Variants in PARD3B observed in about 807,000 individuals in gnomAD.
PARD3B encodes par-3 family cell polarity regulator beta.
PARD3B carries 103 observed loss-of-function variants against 130.2 expected under a neutral mutation model. The observed-to-expected ratio is 0.79, with a 90% CI of 0.67 to 0.93. PARD3B has a LOEUF of 0.93. Ranked by LOEUF, PARD3B falls within the 40% of genes least tolerant of loss-of-function variation. The pLI is 0.00. For synonymous variants in PARD3B, 583 were observed against 553.2 expected, an observed-to-expected ratio of 1.05 and a Z score of -0.76; for missense variants, 1,609 against 1,499.2, an observed-to-expected ratio of 1.07 and a Z score of -1.21.
intron 4 of PARD3B, among the ~76,000 whole-genome samples, chr2:205,064,012 A>G (rs772340069): frequency 3.3e-5 from 5 of 152,114 alleles, no homozygotes; most frequent in Non-Finnish European, 4.4e-5. Context: ...TGAGGTAAAA[A>G]CTGTTCTGCT....
intron 20 of PARD3B, among the ~76,000 whole-genome samples, chr2:205,477,360 C>A (rs150415080): frequency 6.6e-6 from 1 of 152,234 alleles, no homozygotes; most frequent in Non-Finnish European, 1.5e-5. Context: ...TTTATAGACT[C>A]TCTCCCTTTG....
chr2:204,743,858 A>T (rs1238450104), intron 2 of PARD3B, among the ~76,000 whole-genome samples: 3 of 152,116 alleles, frequency 2.0e-5, no homozygotes, highest in Non-Finnish European at 4.4e-5. Context: ...GGAAGTGTGG[A>T]TGGGCCACAA....
chr2:205,450,922 C>T (rs1288677657), intron 20 of PARD3B, among the ~76,000 whole-genome samples: 1 of 152,172 alleles, frequency 6.6e-6, no homozygotes, highest in African/African-American at 2.4e-5. Flanking sequence ...GAGGCAATAT[C>T]CTACCATGTC....
At chr2:204,762,791 A>T in intron 2 of PARD3B, among the ~76,000 whole-genome samples, 1 of 125,210 alleles carries the variant, frequency 8.0e-6, no homozygotes, top group African/African-American at 3.1e-5. Flanking sequence ...ACAGAGTTTC[A>T]CTCTTGTTGC....
At chr2:204,780,842 C>T (rs531651271) in intron 2 of PARD3B, among the ~76,000 whole-genome samples, 1 of 151,900 alleles carries the variant, frequency 6.6e-6, no homozygotes, top group Admixed American at 6.6e-5. Context: ...TGTCCTTTTC[C>T]TTTTTTCAAT....
rs556071648 is a variant in PARD3B at position 205,223,223 on chromosome 2, A to G, written c.2141-22555A>G. Among the ~76,000 whole-genome samples the G allele has an allele frequency of 3.0e-4, 45 of 152,336 alleles. No homozygotes were observed. The South Asian group carries it at 9.3e-3, about 32-fold the overall frequency. On this transcript the variant is annotated intron_variant, in intron 15 of 22. Coordinates refer to ENST00000406610, the MANE Select transcript of PARD3B (RefSeq NM_001302769.2). ...AGAGGATAATATAATGGAAAAGGTA[A>G]AAAGGGTACAAATCTGGGATACAAA...
chr2:204,987,037 G>A (rs762991542), intron 3 of PARD3B, among the ~76,000 whole-genome samples: 2 of 152,178 alleles, frequency 1.3e-5, no homozygotes, highest in Admixed American at 1.3e-4. Flanking sequence ...ACTCTCTCGT[G>A]TGGCTGTATA....
chr2:205,124,555 T>TTC, intron 9 of PARD3B, 89 bp downstream of exon 9: 50 of 946,066 alleles, frequency 5.3e-5, no homozygotes, highest in Non-Finnish European at 6.4e-5. Context: ...GTAAATATAT[T>TTC]AATATTTTTA....
intron 2 of PARD3B, among the ~76,000 whole-genome samples, chr2:204,832,757 G>A (rs183943924): frequency 5.6e-4 from 85 of 152,286 alleles, no homozygotes; most frequent in Non-Finnish European, 2.5e-4. Flanking sequence ...TGGAAGTATT[G>A]TGGGTTTTTC....
chr2:205,517,047 G>A lies in PARD3B; in HGVS notation c.3180+17016G>A, dbSNP rs145095850. Among the ~76,000 whole-genome samples, 9 of 152,212 alleles carry A rather than the reference G, an allele frequency of 5.9e-5. No homozygotes were observed. In the East Asian group the frequency reaches 1.7e-3, roughly 29 times the overall value. ...TCATGTGGTTTTTGTCTTTAGTTCT[G>A]TTTATGTGATGAATCACATTTATTG... On this transcript the variant is annotated intron_variant, in intron 21 of 22. Transcript: ENST00000406610.
intron 22 of PARD3B, among the ~76,000 whole-genome samples, chr2:205,583,734 A>T (rs1479857458): frequency 1.3e-5 from 2 of 152,216 alleles, no homozygotes; most frequent in East Asian, 3.8e-4. Context: ...CATTTGGACG[A>T]ATTGGAACAA....
chr2:204,838,769 A>G (rs2044152950), intron 2 of PARD3B, among the ~76,000 whole-genome samples: 1 of 152,204 alleles, frequency 6.6e-6, no homozygotes, highest in Non-Finnish European at 1.5e-5. Flanking sequence ...TATCCCAATT[A>G]TACTTATTTG....
intron 2 of PARD3B, among the ~76,000 whole-genome samples, chr2:204,751,057 C>CTGTG (rs2040447604): frequency 6.6e-6 from 1 of 152,106 alleles, no homozygotes; most frequent in African/African-American, 2.4e-5. Context: ...TCCTGTCATC[C>CTGTG]TGTGAGCTTT....
rs149221798 is a variant in PARD3B, at chr2:205,283,924, C to T, written c.2186-16606C>T. Among the ~76,000 whole-genome samples the T allele has an allele frequency of 2.8e-3, 422 of 152,244 alleles. 2 individuals are homozygous for T. The highest frequency in any genetic ancestry group is 9.6e-3 in the African/African-American group (398 of 41,538). ...CTTGGGCAGAATGCTCCCCTCTACC[C>T]CCACAGGAGGGAAAGCAGCTCTTAC... On this transcript the variant is annotated intron_variant, in intron 16 of 22. Transcript: ENST00000406610.
intron 19 of PARD3B, among the ~76,000 whole-genome samples, chr2:205,438,319 T>A (rs1424512710): frequency 6.6e-6 from 1 of 152,202 alleles, no homozygotes; most frequent in Non-Finnish European, 1.5e-5. Context: ...GGAACACAGA[T>A]ACCAGTGTTC....
At chr2:205,396,996 A>G (rs982406860) in intron 18 of PARD3B, among the ~76,000 whole-genome samples, 2 of 151,734 alleles carry the variant, frequency 1.3e-5, no homozygotes, top group African/African-American at 4.9e-5. Flanking sequence ...GAAAGTCACC[A>G]AGTTGAATCT....
chr2:204,725,813 T>C (rs1433218495), intron 2 of PARD3B, among the ~76,000 whole-genome samples: 1 of 152,134 alleles, frequency 6.6e-6, no homozygotes. Flanking sequence ...CTCTGTAAAC[T>C]TATGGGAGGT....
intron 15 of PARD3B, among the ~76,000 whole-genome samples, chr2:205,227,134 G>A (rs1173978107): frequency 6.6e-6 from 1 of 151,948 alleles, no homozygotes; most frequent in Non-Finnish European, 1.5e-5. Context: ...TACGTGCTTA[G>A]GAGAAGAATG....
chr2:204,743,649 C>A (rs550386285), intron 2 of PARD3B, among the ~76,000 whole-genome samples: 216 of 152,270 alleles, frequency 1.4e-3, no homozygotes, highest in Non-Finnish European at 2.3e-3. Flanking sequence ...CTTTTCCTTC[C>A]CATAGCTTCC....
Sources: allele counts gnomAD v4.1 joint callset (sites outside exome capture counted in the v4.1 genomes callset), GRCh38; gene constraint gnomAD v4.1.1; transcripts MANE v1.5; gene names NCBI Gene and HGNC (gene_info 2026-07-23, HGNC 2026-07-21).